Variants in THSD7B observed in about 807,000 individuals in gnomAD.
The protein encoded by THSD7B is thrombospondin type 1 domain containing 7B.
A neutral mutation model predicts 213.6 loss-of-function variants in THSD7B; 138 were observed. That is an observed-to-expected ratio of 0.65 (90% CI 0.56 to 0.74). THSD7B has a LOEUF of 0.74. Ranked by LOEUF, THSD7B falls within the 30% of genes least tolerant of loss-of-function variation. The probability of loss-of-function intolerance (pLI) is 0.00; values close to 1 mark genes in which losing one functional copy is unlikely to be tolerated. For missense variants in THSD7B, 1,931 were observed against 1,991.5 expected (o/e 0.97, Z 0.58); for synonymous variants, 742 against 687.0 (o/e 1.08, Z -1.25).
At chr2:136,914,174 C>T (rs1238515663) in intron 2 of THSD7B, among the ~76,000 whole-genome samples, 1 of 152,164 alleles carries the variant, frequency 6.6e-6, no homozygotes, top group African/African-American at 2.4e-5. Context: ...TTCAACTGCC[C>T]CACTGGATTT....
At chr2:137,252,911 CTTT>C (rs754932566) in intron 10 of THSD7B, among the ~76,000 whole-genome samples, 4 of 80,668 alleles carry the variant, frequency 5.0e-5, no homozygotes, top group Non-Finnish European at 5.0e-5. Context: ...AAAAGGCTTG[CTTT>C]TTTTTTTTTT....
chr2:137,550,407 C>T (rs1680824338), intron 15 of THSD7B, among the ~76,000 whole-genome samples: 1 of 152,106 alleles, frequency 6.6e-6, no homozygotes, highest in Non-Finnish European at 1.5e-5. Flanking sequence ...TTCATAGTCA[C>T]TTAAACCACG....
intron 1 of THSD7B, among the ~76,000 whole-genome samples, chr2:136,818,560 A>T (rs1471206704): frequency 6.6e-6 from 1 of 152,158 alleles, no homozygotes; most frequent in Non-Finnish European, 1.5e-5. Flanking sequence ...AAAATAAATA[A>T]ATAAAAGAAT....
At chr2:137,479,982 A>G (rs1420861430) in intron 15 of THSD7B, among the ~76,000 whole-genome samples, 4 of 152,202 alleles carry the variant, frequency 2.6e-5, no homozygotes, top group African/African-American at 4.8e-5. Flanking sequence ...AGGAGTTCAC[A>G]GTGGGAATGT....
chr2:137,524,064 T>G (rs1377884560), intron 15 of THSD7B, among the ~76,000 whole-genome samples: 1 of 152,176 alleles, frequency 6.6e-6, no homozygotes, highest in African/African-American at 2.4e-5. Context: ...ACTGCATATG[T>G]GTTTACTGCA....
At chr2:137,081,937 G>A (rs534822546) in intron 3 of THSD7B, among the ~76,000 whole-genome samples, 2 of 152,080 alleles carry the variant, frequency 1.3e-5, no homozygotes, top group South Asian at 2.1e-4. Flanking sequence ...GTTTCTGCAG[G>A]ATTCCTAATT....
At chr2:137,097,460 A>G (rs1318212446) in intron 4 of THSD7B, among the ~76,000 whole-genome samples, 5 of 152,288 alleles carry the variant, frequency 3.3e-5, no homozygotes, top group Non-Finnish European at 7.4e-5. Context: ...TGGCATTAAG[A>G]TTCAAGCACA....
intron 2 of THSD7B, among the ~76,000 whole-genome samples, chr2:137,043,121 A>T (rs560816527): frequency 1.3e-5 from 2 of 152,322 alleles, no homozygotes; most frequent in Admixed American, 1.3e-4. Context: ...TTTAATTATT[A>T]TACATGGTGG....
intron 2 of THSD7B, among the ~76,000 whole-genome samples, chr2:136,928,681 G>A (rs1467165934): frequency 6.6e-6 from 1 of 152,108 alleles, no homozygotes; most frequent in African/African-American, 2.4e-5. Context: ...TGAATGATAT[G>A]CATCTTATTT....
intron 2 of THSD7B, among the ~76,000 whole-genome samples, chr2:136,902,917 G>A (rs1180434773): frequency 6.6e-6 from 1 of 152,160 alleles, no homozygotes; most frequent in Non-Finnish European, 1.5e-5. Context: ...TCAATGCCAA[G>A]AATGACCAGT....
chr2:137,304,592 C>T (rs1683699626), intron 12 of THSD7B, among the ~76,000 whole-genome samples: 1 of 152,046 alleles, frequency 6.6e-6, no homozygotes, highest in Admixed American at 6.6e-5. Context: ...TTACACTTGA[C>T]TTCATATTAT....
At position 137,563,309 on chromosome 2, in the gene THSD7B, T is replaced by C; in HGVS notation, c.3227T>C (p.Leu1076Pro). 6.2e-7 allele frequency: 1 copy of C among 1,613,390 alleles called. No homozygotes were observed. The change falls in exon 16 of 28, where the codon CTG becomes CCG. Residue 1076 changes from leucine (L) to proline (P), a missense_variant. Leu to Pro is a moderately conservative substitution (Grantham distance 98). Transcript: ENST00000409968. ...TCTTCATGCAAAATCAACAATGAGC[T>C]GAGGTCCCTGCGCTGTGGAGGAGGA... is the stretch of plus-strand genomic sequence containing the variant. ...HWSSCKINNE[L>P]RSLRCGGGTQ...
At chr2:137,295,156 G>A (rs1683430759) in intron 12 of THSD7B, among the ~76,000 whole-genome samples, 1 of 151,860 alleles carries the variant, frequency 6.6e-6, no homozygotes, top group Non-Finnish European at 1.5e-5. Context: ...TTTTCTCACT[G>A]GAGTTATTAT....
intron 12 of THSD7B, among the ~76,000 whole-genome samples, chr2:137,357,259 T>C (rs1685153841): frequency 1.3e-5 from 2 of 152,190 alleles, no homozygotes; most frequent in South Asian, 4.1e-4. Flanking sequence ...AATGTATCTA[T>C]GCTTCAAAGA....
intron 15 of THSD7B, among the ~76,000 whole-genome samples, chr2:137,472,877 T>G (rs1188107360): frequency 1.3e-5 from 2 of 152,322 alleles, no homozygotes; most frequent in Non-Finnish European, 2.9e-5. Flanking sequence ...TGACATCGTA[T>G]ATTGGTCATT....
At chr2:137,149,238 C>T (rs1679766353) in intron 5 of THSD7B, among the ~76,000 whole-genome samples, 1 of 152,172 alleles carries the variant, frequency 6.6e-6, no homozygotes, top group African/African-American at 2.4e-5. Context: ...GGAACCTCTA[C>T]TTAGATTTCA....
intron 3 of THSD7B, among the ~76,000 whole-genome samples, chr2:137,074,130 T>C (rs1163345564): frequency 6.6e-6 from 1 of 150,666 alleles, no homozygotes; most frequent in African/African-American, 2.5e-5. Context: ...GTTCAATTCC[T>C]GGATATCCTT....
intron 7 of THSD7B, among the ~76,000 whole-genome samples, chr2:137,215,492 T>G (rs11891837): frequency 0.6 from 90,804 of 151,990 alleles, 27,539 homozygotes; most frequent in South Asian, 0.71. Context: ...ATGCAAAAAG[T>G]AGATGCTGGC....
At chr2:137,038,479 G>A (rs1347352095) in intron 2 of THSD7B, among the ~76,000 whole-genome samples, 4 of 152,156 alleles carry the variant, frequency 2.6e-5, no homozygotes, top group Non-Finnish European at 5.9e-5. Context: ...CCACTCACAG[G>A]CATCATTGCT....
Sources: allele counts gnomAD v4.1 joint callset (sites outside exome capture counted in the v4.1 genomes callset), GRCh38; gene constraint gnomAD v4.1.1; transcripts MANE v1.5; gene names NCBI Gene and HGNC (gene_info 2026-07-23, HGNC 2026-07-21).